The following BHMT variants were observed in gnomAD, a reference collection of about 807,000 sequenced individuals.
The protein encoded by BHMT is betaine--homocysteine S-methyltransferase, also known as betaine--homocysteine S-methyltransferase 1.
A neutral mutation model predicts 49.5 loss-of-function variants in BHMT; 38 were observed. The ratio of observed to expected loss-of-function variants is 0.77; its 90% CI spans 0.59 to 1.01. BHMT has a LOEUF of 1.01. Ranked by LOEUF, BHMT falls within the 50% of genes least tolerant of loss-of-function variation. The probability of loss-of-function intolerance (pLI) is 0.00; values close to 1 mark genes in which losing one functional copy is unlikely to be tolerated. For synonymous variants in BHMT, 166 were observed against 176.3 expected (o/e 0.94, Z 0.46); for missense variants, 426 against 495.7 (o/e 0.86, Z 1.34).
At chr5:79,116,514 C>G (rs1756387958) in intron 2 of BHMT, 1 of 152,144 alleles carries the variant, frequency 6.6e-6, no homozygotes, top group Non-Finnish European at 1.5e-5. Context: ...ACATGACTAC[C>G]CTTACTAATT....
intron 2 of BHMT, among the ~76,000 whole-genome samples, chr5:79,116,574 C>G (rs1030923550): frequency 6.6e-6 from 1 of 152,128 alleles, no homozygotes; most frequent in Non-Finnish European, 1.5e-5. Flanking sequence ...TATTTTGCCC[C>G]CAAATGGTTT....
chr5:79,121,732 G>T (rs972452859), intron 5 of BHMT, among the ~76,000 whole-genome samples: 1 of 149,726 alleles, frequency 6.7e-6, no homozygotes, highest in Non-Finnish European at 1.5e-5. Context: ...GGAGAATGGC[G>T]TGAACCCGGG....
intron 2 of BHMT, among the ~76,000 whole-genome samples, chr5:79,118,313 A>G (rs929219061): frequency 3.3e-5 from 5 of 152,080 alleles, no homozygotes; most frequent in Non-Finnish European, 7.4e-5. Flanking sequence ...TAAAAATACA[A>G]AAAAATTACC....
chr5:79,126,008 G>A, intron 5 of BHMT, 38 bp from the exon 6 acceptor site: 3 of 1,563,628 alleles, frequency 1.9e-6, no homozygotes, highest in Non-Finnish European at 2.6e-6. Context: ...CTGGTTTCTG[G>A]TGCATCCCTA....
At chr5:79,130,092 T>G (rs1756613938) in intron 7 of BHMT, among the ~76,000 whole-genome samples, 1 of 152,090 alleles carries the variant, frequency 6.6e-6, no homozygotes, top group Admixed American at 6.5e-5. Flanking sequence ...AAGAATCACT[T>G]GAACCTGGGA....
intron 1 of BHMT, 106 bp downstream of exon 1, chr5:79,112,024 C>T: frequency 1.6e-6 from 2 of 1,259,700 alleles, no homozygotes; most frequent in Middle Eastern, 1.9e-4. Context: ...TGGTACCCAT[C>T]ATCCTCCTAC....
At chr5:79,121,021 G>A (rs112981132) in intron 4 of BHMT, among the ~76,000 whole-genome samples, 197 bp from the exon 5 acceptor site, 1 of 151,996 alleles carries the variant, frequency 6.6e-6, no homozygotes, top group Non-Finnish European at 1.5e-5. Flanking sequence ...CGTGGTGGCG[G>A]GCGCCTGTAA....
intron 5 of BHMT, among the ~76,000 whole-genome samples, chr5:79,124,057 A>AT (rs1756513268): frequency 6.6e-6 from 1 of 152,200 alleles, no homozygotes; most frequent in Non-Finnish European, 1.5e-5. Flanking sequence ...ATATCATATG[A>AT]TTTTGTTTAT....
At chr5:79,117,331 A>G (rs1478715525) in intron 2 of BHMT, among the ~76,000 whole-genome samples, 3 of 152,140 alleles carry the variant, frequency 2.0e-5, no homozygotes, top group East Asian at 3.9e-4. Context: ...GTGTCCAGAA[A>G]CCTAGTATAT....
chr5:79,127,920 C>A lies in BHMT; in HGVS notation c.974C>A (p.Ser325Ter), dbSNP rs766615896. ...APERGFLPPA[S>*]EKHGSWGSGL... ...GAAAGGGGCTTTTTGCCACCAGCTTCAGAAAAACATGGCAGCTGGGGAAGT... is the reference window on the plus strand; with the variant it reads ...GAAAGGGGCTTTTTGCCACCAGCTTAAGAAAAACATGGCAGCTGGGGAAGT... Residue 325 changes from serine to a stop codon, truncating the protein, a stop_gained, in exon 7 of 8, where the codon TCA becomes TAA. Transcript: ENST00000274353. LOFTEE classifies it high-confidence loss of function. 2.5e-6 allele frequency: 4 copies of A among 1,614,024 alleles called. No homozygotes were observed. The Admixed American group carries it at 6.7e-5, about 27-fold the overall frequency.
chr5:79,112,783 A>G (rs1756324709), intron 1 of BHMT, among the ~76,000 whole-genome samples: 1 of 152,168 alleles, frequency 6.6e-6, no homozygotes, highest in Admixed American at 6.6e-5. Flanking sequence ...TCCAGACGGT[A>G]GGCCTTCCTC....
rs141170569 is a variant in BHMT at position 79,127,799 on chromosome 5, G to A, written c.853G>A (p.Ala285Thr). 4 of 1,613,906 alleles carry A rather than the reference G, an allele frequency of 2.5e-6. No individual in the cohort carries two copies. The highest frequency in any genetic ancestry group is 2.2e-5 in the East Asian group (1 of 44,892). Residue 285 changes from alanine (A) to threonine (T), a missense_variant, in exon 7 of 8, where the codon GCC becomes ACC. Physicochemically the swap from Ala to Thr is moderately conservative, Grantham distance 58 (BLOSUM62 0). This residue lies in a region of BHMT where 321 missense variants were observed against 355.9 expected (regional missense o/e 0.90). Transcript: ENST00000274353. ...CACCAGATGGGATATTCAAAAATAC[G>A]CCAGAGAGGCCTACAACCTGGGGGT... Reference protein sequence around the residue: ...VATRWDIQKYAREAYNLGVRY... With the variant: ...VATRWDIQKYTREAYNLGVRY...
Position 79,115,865 on chromosome 5 carries a change from G to A in BHMT, c.132G>A (p.Trp44Ter). 1 of 1,613,904 alleles carries A rather than the reference G, an allele frequency of 6.2e-7. No individual in the cohort carries two copies. Among genetic ancestry groups the A allele is most frequent in the Non-Finnish European group, 8.5e-7 (1 of 1,179,884 alleles). The change falls in exon 2 of 8, where the codon TGG (tryptophan) becomes TGA (stop). Residue 44 changes from tryptophan to a stop codon, truncating the protein, a stop_gained. Transcript: ENST00000274353. LOFTEE classifies it high-confidence loss of function. ...GGGGCTACGTAAAGGCAGGACCCTG[G>A]ACTCCTGAAGCTGCTGTGGAGCACC... ...EKRGYVKAGPWTPEAAVEHPE... is the reference protein window; with the variant it reads ...EKRGYVKAGP
chr5:79,121,365 G>T lies in BHMT; in HGVS notation c.625G>T (p.Gly209Ter). Residue 209 changes from glycine (G) to a stop codon, truncating the protein, a stop_gained and splice_region_variant, in exon 5 of 8, where the codon GGA becomes TGA. Coordinates refer to ENST00000274353, the MANE Select transcript of BHMT (RefSeq NM_001713.3). LOFTEE classifies it high-confidence loss of function. ...GECAVRLVKA[G>*]ASIIGVNCHF... is the part of the protein sequence containing the mutation. Reference sequence around the variant, plus strand: ...GTGTGCAGTGCGCCTGGTGAAAGCAGGTGATGATAGATTTCAATCAGTTTG... The same window carrying T: ...GTGTGCAGTGCGCCTGGTGAAAGCATGTGATGATAGATTTCAATCAGTTTG... 1 of 1,614,090 alleles carries T rather than the reference G, an allele frequency of 6.2e-7. No individual in the cohort carries two copies. The highest frequency in any genetic ancestry group is 8.5e-7 in the Non-Finnish European group (1 of 1,179,958).
chr5:79,118,416 A>C (rs1481612642), intron 2 of BHMT, among the ~76,000 whole-genome samples: 1 of 152,144 alleles, frequency 6.6e-6, no homozygotes, highest in Non-Finnish European at 1.5e-5. Flanking sequence ...GCAGTGAGCC[A>C]AGATCACGCC....
rs1282432077 is a variant in BHMT, at chr5:79,121,270, C to T, written c.530C>T (p.Ser177Phe). The change falls in exon 5 of 8, where the codon TCC becomes TTC. Residue 177 changes from serine (S) to phenylalanine (F), a missense_variant. Coordinates refer to ENST00000274353, the MANE Select transcript of BHMT (RefSeq NM_001713.3). ...TGGGCAGTTGAAACCTTGATAGCATCCGGTAAACCTGTGGCAGCAACCATG... is the reference window on the plus strand; with the variant it reads ...TGGGCAGTTGAAACCTTGATAGCATTCGGTAAACCTGTGGCAGCAACCATG... ...AVWAVETLIA[S>F]GKPVAATMCI... The T allele has an allele frequency of 1.2e-6, 2 of 1,614,066 alleles. No individual in the cohort carries two copies. The highest frequency in any genetic ancestry group is 1.7e-6 in the Non-Finnish European group (2 of 1,180,026).
chr5:79,129,269 G>C (rs1756600051), intron 7 of BHMT, among the ~76,000 whole-genome samples: 1 of 152,226 alleles, frequency 6.6e-6, no homozygotes, highest in African/African-American at 2.4e-5. Context: ...GATGTGCATA[G>C]GTGTGCAGGG....
At chr5:79,122,405 A>G (rs2112728224) in intron 5 of BHMT, among the ~76,000 whole-genome samples, 1 of 152,296 alleles carries the variant, frequency 6.6e-6, no homozygotes, top group South Asian at 2.1e-4. Context: ...GCTAAATTAT[A>G]AAATTGTTGA....
Position 79,126,041 on chromosome 5 carries a change from C to G in BHMT, c.626-5C>G, listed in dbSNP as rs1460349934. The G allele has an allele frequency of 6.3e-7, 1 of 1,593,748 alleles. No individual in the cohort carries two copies. Among genetic ancestry groups the G allele is most frequent in the Admixed American group, 1.7e-5 (1 of 59,476 alleles). ...CTAAGTCTATCATGTTCTTCCCACTCACAGGAGCATCCATCATTGGTGTGA... is the reference window on the plus strand; with the variant it reads ...CTAAGTCTATCATGTTCTTCCCACTGACAGGAGCATCCATCATTGGTGTGA... On this transcript the variant is annotated splice_region_variant and splice_polypyrimidine_tract_variant and intron_variant, in intron 5 of 7. Coordinates refer to ENST00000274353, the MANE Select transcript of BHMT (RefSeq NM_001713.3).
Sources: allele counts gnomAD v4.1 joint callset (sites outside exome capture counted in the v4.1 genomes callset), GRCh38; gene constraint gnomAD v4.1.1; regional missense constraint gnomAD v4.1.1; transcripts MANE v1.5; gene names NCBI Gene and HGNC (gene_info 2026-07-23, HGNC 2026-07-21).